GRM5: variants seen among roughly 807,000 people sequenced by gnomAD.
The protein encoded by GRM5 is metabotropic glutamate receptor 5.
GRM5 carries 19 observed loss-of-function variants against 83.1 expected under a neutral mutation model. The ratio of observed to expected loss-of-function variants is 0.23; its 90% CI spans 0.16 to 0.34. The LOEUF (loss-of-function observed/expected upper bound fraction) is 0.34. Among genes scored for constraint, GRM5 ranks in the 10% least tolerant of loss-of-function variants. GRM5 has a pLI of 1.00. For missense variants in GRM5, 1,160 were observed against 1,588.3 expected, an observed-to-expected ratio of 0.73 and a Z score of 4.58; for synonymous variants, 675 against 633.6, an observed-to-expected ratio of 1.07 and a Z score of -0.98.
At chr11:88,803,935 A>C (rs2135489540) in intron 3 of GRM5, among the ~76,000 whole-genome samples, 1 of 152,296 alleles carries the variant, frequency 6.6e-6, no homozygotes, top group Non-Finnish European at 1.5e-5. Context: ...ACATGAAAAA[A>C]TGCTCACCAT....
At chr11:88,677,757 CTCATTAA>C (rs1448546633) in intron 3 of GRM5, among the ~76,000 whole-genome samples, 12 of 152,064 alleles carry the variant, frequency 7.9e-5, no homozygotes, top group African/African-American at 2.7e-4. Context: ...TTATCAATTT[CTCATTAA>C]TCATTAGGCT....
intron 3 of GRM5, among the ~76,000 whole-genome samples, chr11:88,845,212 G>A (rs1944277346): frequency 6.6e-6 from 1 of 151,868 alleles, no homozygotes; most frequent in Non-Finnish European, 1.5e-5. Flanking sequence ...CACAGCCACT[G>A]CCACCTTCAG....
At chr11:88,609,893 T>C (rs1938267561) in intron 4 of GRM5, among the ~76,000 whole-genome samples, 1 of 152,206 alleles carries the variant, frequency 6.6e-6, no homozygotes, top group African/African-American at 2.4e-5. Flanking sequence ...TTAATCCATT[T>C]TGAGTTAATT....
chr11:88,533,119 C>T (rs1037982621), intron 8 of GRM5, among the ~76,000 whole-genome samples: 3 of 152,152 alleles, frequency 2.0e-5, no homozygotes, highest in Admixed American at 6.5e-5. Context: ...CTGCTCAAAA[C>T]GCTGTTAGTT....
intron 2 of GRM5, among the ~76,000 whole-genome samples, chr11:89,001,407 A>G (rs1000037283): frequency 1.3e-5 from 2 of 152,146 alleles, no homozygotes; most frequent in African/African-American, 4.8e-5. Flanking sequence ...CCAACAACCT[A>G]TATAAATCAC....
At chr11:88,602,648 G>T (rs867639741) in intron 5 of GRM5, among the ~76,000 whole-genome samples, 2 of 152,114 alleles carry the variant, frequency 1.3e-5, no homozygotes, top group Middle Eastern at 3.2e-3. Flanking sequence ...TTTGATCCTG[G>T]TTGATTAATT....
intron 9 of GRM5, among the ~76,000 whole-genome samples, chr11:88,517,128 T>TAC (rs60251358): frequency 0.12 from 17,382 of 148,008 alleles, 1,148 homozygotes; most frequent in African/African-American, 0.2. Context: ...TTGGCTTCTG[T>TAC]ACACACACAC....
At chr11:88,570,504 C>T (rs1267925575) in intron 7 of GRM5, among the ~76,000 whole-genome samples, 6 of 137,272 alleles carry the variant, frequency 4.4e-5, no homozygotes, top group Admixed American at 3.0e-4. Flanking sequence ...CTTATATTTA[C>T]AAATTTGCTC....
chr11:88,789,070 C>A (rs1477246560), intron 3 of GRM5, among the ~76,000 whole-genome samples: 1 of 152,152 alleles, frequency 6.6e-6, no homozygotes, highest in Non-Finnish European at 1.5e-5. Flanking sequence ...AATATAGTTA[C>A]AGGAAAGATC....
chr11:89,028,134 G>A (rs1243197552), intron 2 of GRM5, among the ~76,000 whole-genome samples: 3 of 152,058 alleles, frequency 2.0e-5, no homozygotes, highest in South Asian at 2.1e-4. Flanking sequence ...ATACATTTCC[G>A]TTTATAAATA....
intron 4 of GRM5, among the ~76,000 whole-genome samples, chr11:88,647,891 A>C (rs1389140305): frequency 6.6e-6 from 1 of 152,008 alleles, no homozygotes; most frequent in South Asian, 2.1e-4. Flanking sequence ...CAGCCAAAAA[A>C]CACATGAAAA....
chr11:89,064,020 G>A (rs1393086243), intron 1 of GRM5, among the ~76,000 whole-genome samples: 1 of 152,190 alleles, frequency 6.6e-6, no homozygotes, highest in African/African-American at 2.4e-5. Flanking sequence ...TGGAAGGAGT[G>A]TCAAGGACAT....
intron 3 of GRM5, among the ~76,000 whole-genome samples, chr11:88,787,929 C>T (rs1263621776): frequency 6.6e-6 from 1 of 152,108 alleles, no homozygotes; most frequent in Non-Finnish European, 1.5e-5. Context: ...GTAGGCAGGT[C>T]AATACATAGG....
At chr11:89,060,285 T>TATACAC (rs1043068131) in intron 1 of GRM5, among the ~76,000 whole-genome samples, 30 of 80,910 alleles carry the variant, frequency 3.7e-4, no homozygotes, top group African/African-American at 8.7e-4. Flanking sequence ...TATATATATA[T>TATACAC]ACACACACAC....
intron 8 of GRM5, among the ~76,000 whole-genome samples, chr11:88,548,712 C>T (rs1404111536): frequency 6.6e-6 from 1 of 152,162 alleles, no homozygotes; most frequent in East Asian, 1.9e-4. Flanking sequence ...CAGTGAGAGA[C>T]ATTAATATAT....
chr11:88,801,950 A>G (rs1164483032), intron 3 of GRM5, among the ~76,000 whole-genome samples: 2 of 152,094 alleles, frequency 1.3e-5, no homozygotes, highest in Admixed American at 6.6e-5. Flanking sequence ...GGATGATGCA[A>G]TAAGGGTCAG....
chr11:88,695,671 T>C (rs1203949261), intron 3 of GRM5, among the ~76,000 whole-genome samples: 1 of 152,190 alleles, frequency 6.6e-6, no homozygotes, highest in East Asian at 1.9e-4. Flanking sequence ...TGAAAGGATA[T>C]TTGTAATTGA....
intron 3 of GRM5, among the ~76,000 whole-genome samples, chr11:88,679,719 T>C (rs1940429056): frequency 6.6e-6 from 1 of 152,154 alleles, no homozygotes; most frequent in Non-Finnish European, 1.5e-5. Context: ...GGAAGGTGAA[T>C]AGTTGAACAG....
intron 3 of GRM5, among the ~76,000 whole-genome samples, chr11:88,771,343 C>T (rs571543365): frequency 6.6e-5 from 10 of 152,098 alleles, no homozygotes; most frequent in Admixed American, 3.9e-4. Flanking sequence ...GGGGCTCAGT[C>T]TAAGTCCAAC....
Sources: gnomAD v4.1 joint callset for allele counts (sites outside exome capture counted in the v4.1 genomes callset) on GRCh38, gnomAD v4.1.1 for gene constraint, MANE v1.5 for transcripts, NCBI Gene and HGNC (gene_info 2026-07-23, HGNC 2026-07-21) for gene names.